CELF4: variants seen among roughly 807,000 people sequenced by gnomAD.
The protein encoded by CELF4 is CUGBP Elav-like family member 4.
A neutral mutation model predicts 59.9 loss-of-function variants in CELF4; 18 were observed. The ratio of observed to expected loss-of-function variants is 0.30; its 90% CI spans 0.21 to 0.45. CELF4 has a LOEUF of 0.45. Ranked by LOEUF, CELF4 falls within the 20% of genes least tolerant of loss-of-function variation. CELF4 has a pLI of 1.00. For missense variants in CELF4, 456 were observed against 689.0 expected (o/e 0.66, Z 3.79); for synonymous variants, 261 against 267.1 (o/e 0.98, Z 0.22).
intron 1 of CELF4, among the ~76,000 whole-genome samples, chr18:37,549,494 C>A (rs2099982482): frequency 6.6e-6 from 1 of 152,222 alleles, no homozygotes; most frequent in African/African-American, 2.4e-5. Context: ...ATCCCTGATT[C>A]ACTGGTGACC....
intron 3 of CELF4, among the ~76,000 whole-genome samples, chr18:37,292,879 C>T (rs1206585290): frequency 6.6e-6 from 1 of 152,188 alleles, no homozygotes; most frequent in Admixed American, 6.5e-5. Context: ...GTATTTTATA[C>T]AGTAAATTAG....
At chr18:37,489,522 C>A (rs1016969510) in intron 1 of CELF4, among the ~76,000 whole-genome samples, 3 of 152,052 alleles carry the variant, frequency 2.0e-5, no homozygotes, top group African/African-American at 7.2e-5. Flanking sequence ...GCTAGAACAG[C>A]TGGCCTTGAC....
chr18:37,477,404 G>A (rs1383758592), intron 2 of CELF4, among the ~76,000 whole-genome samples: 1 of 152,230 alleles, frequency 6.6e-6, no homozygotes, highest in Non-Finnish European at 1.5e-5. Flanking sequence ...CTTGCAGGAA[G>A]GCTACGTGCA....
chr18:37,465,156 G>T (rs1332418122), intron 2 of CELF4, among the ~76,000 whole-genome samples: 1 of 152,160 alleles, frequency 6.6e-6, no homozygotes, highest in Admixed American at 6.5e-5. Flanking sequence ...TTGCATGGAG[G>T]CCTGCAATCT....
Position 37,303,384 on chromosome 18 carries a change from G to A in CELF4, c.448+18419C>T, listed in dbSNP as rs556418512. Among the ~76,000 whole-genome samples the A allele has an allele frequency of 5.9e-5, 9 of 152,246 alleles. No individual in the cohort carries two copies. The South Asian group carries it at 6.2e-4, about 11-fold the overall frequency. ...CTTCCCCACAAAAAGGAAAACAGTC[G>A]TTGAAATTGAAAAATGGTGCTCAGT... On this transcript the variant is annotated intron_variant, in intron 3 of 12. Transcript: ENST00000420428.
intron 7 of CELF4, 80 bp downstream of exon 7, chr18:37,272,936 G>C (rs1416584881): frequency 7.2e-7 from 1 of 1,397,292 alleles, no homozygotes; most frequent in East Asian, 2.3e-5. Flanking sequence ...ATGGTCCGCT[G>C]GTAGCTGAAA....
chr18:37,495,534 C>G (rs1264629685), intron 1 of CELF4, among the ~76,000 whole-genome samples: 1 of 152,186 alleles, frequency 6.6e-6, no homozygotes, highest in African/African-American at 2.4e-5. Context: ...CATGCCCCAT[C>G]TGAGGCTCCA....
intron 2 of CELF4, among the ~76,000 whole-genome samples, chr18:37,335,338 T>G (rs2097728088): frequency 6.6e-6 from 1 of 151,720 alleles, no homozygotes; most frequent in Admixed American, 6.6e-5. Context: ...CTGGAGTGTA[T>G]GGTGAGGGGT....
intron 2 of CELF4, among the ~76,000 whole-genome samples, chr18:37,453,334 C>A (rs1194642753): frequency 6.6e-6 from 1 of 152,216 alleles, no homozygotes; most frequent in Non-Finnish European, 1.5e-5. Flanking sequence ...TTGTGGGGTA[C>A]TCCCTAACCT....
intron 1 of CELF4, among the ~76,000 whole-genome samples, chr18:37,494,685 G>A (rs1443632207): frequency 6.6e-6 from 1 of 152,222 alleles, no homozygotes; most frequent in Non-Finnish European, 1.5e-5. Flanking sequence ...GAGGCCCTGA[G>A]ATGTGGCCAC....
At chr18:37,457,954 T>C (rs1257783495) in intron 2 of CELF4, among the ~76,000 whole-genome samples, 1 of 152,116 alleles carries the variant, frequency 6.6e-6, no homozygotes, top group African/African-American at 2.4e-5. Context: ...AGGGAGAGGA[T>C]GTGACGAGCT....
Position 37,361,653 on chromosome 18 carries a change from G to C in CELF4, c.370-39772C>G, listed in dbSNP as rs561170975. On this transcript the variant is annotated intron_variant, in intron 2 of 12. Transcript: ENST00000420428. ...CACCCAAGTGTGGAGGTGGGGAAGC[G>C]GACTAGCCCTGCAGCTCCCTTCAGC... Among the ~76,000 whole-genome samples the C allele has an allele frequency of 3.9e-5, 6 of 152,278 alleles. No individual in the cohort carries two copies. The South Asian group carries it at 1.2e-3, about 32-fold the overall frequency.
chr18:37,358,508 G>A (rs140944073), intron 2 of CELF4, among the ~76,000 whole-genome samples: 143 of 152,320 alleles, frequency 9.4e-4, no homozygotes, highest in African/African-American at 3.2e-3. Flanking sequence ...AAGACATTGT[G>A]TGCAATATGG....
chr18:37,360,119 C>T (rs1287975468), intron 2 of CELF4, among the ~76,000 whole-genome samples: 1 of 152,212 alleles, frequency 6.6e-6, no homozygotes, highest in Non-Finnish European at 1.5e-5. Flanking sequence ...TCCCAAAGTG[C>T]TGGGATTGCA....
chr18:37,481,062 C>T (rs1174544194), intron 2 of CELF4, among the ~76,000 whole-genome samples: 3 of 152,062 alleles, frequency 2.0e-5, no homozygotes, highest in South Asian at 2.1e-4. Context: ...TCCTGAGTCG[C>T]GGTGACCTGA....
At chr18:37,421,680 T>TAAAC (rs2099579216) in intron 2 of CELF4, among the ~76,000 whole-genome samples, 1 of 152,244 alleles carries the variant, frequency 6.6e-6, no homozygotes, top group African/African-American at 2.4e-5. Flanking sequence ...CACCAAGTGA[T>TAAAC]AAACAGATCG....
At chr18:37,266,700 T>C in intron 8 of CELF4, 102 bp from the exon 9 acceptor site, 1 of 1,045,248 alleles carries the variant, frequency 9.6e-7, no homozygotes, top group Non-Finnish European at 1.4e-6. Context: ...CTTTTCTGGC[T>C]ACTGCAGGCT....
chr18:37,266,061 G>A (rs1447927834), intron 9 of CELF4, among the ~76,000 whole-genome samples: 1 of 152,190 alleles, frequency 6.6e-6, no homozygotes, highest in Non-Finnish European at 1.5e-5. Context: ...CTGCCAGTGT[G>A]TGAGGAAGGG....
At chr18:37,390,563 C>A (rs2099148150) in intron 2 of CELF4, among the ~76,000 whole-genome samples, 1 of 152,024 alleles carries the variant, frequency 6.6e-6, no homozygotes. Context: ...GAGCACCTGT[C>A]ATGTGCTAGG....
Sources: allele counts gnomAD v4.1 joint callset (sites outside exome capture counted in the v4.1 genomes callset), GRCh38; gene constraint gnomAD v4.1.1; transcripts MANE v1.5; gene names NCBI Gene and HGNC (gene_info 2026-07-23, HGNC 2026-07-21).